Variants in PIGK observed in about 807,000 individuals in gnomAD.
PIGK encodes GPI-anchor transamidase.
Under a neutral mutation model 50.6 loss-of-function variants are expected in PIGK, and 42 were observed. That is an observed-to-expected ratio of 0.83 (90% confidence interval 0.65 to 1.07). PIGK has a LOEUF of 1.07. Among genes scored for constraint, PIGK ranks in the 50% least tolerant of loss-of-function variants. The pLI is 0.00. For missense variants in PIGK, 448 were observed against 488.7 expected (o/e 0.92, Z 0.78); for synonymous variants, 151 against 156.0 (o/e 0.97, Z 0.24).
At chr1:77,141,473 G>A (rs1275062999) in intron 9 of PIGK, among the ~76,000 whole-genome samples, 2 of 152,076 alleles carry the variant, frequency 1.3e-5, no homozygotes, top group Non-Finnish European at 2.9e-5. Flanking sequence ...GCTTCCCTTA[G>A]TAAAAGTACT....
At chr1:77,195,447 C>A in intron 3 of PIGK, 2 of 941,006 alleles carry the variant, frequency 2.1e-6, no homozygotes, top group South Asian at 4.0e-5. Flanking sequence ...ATCTTTTGGT[C>A]AATAAAATAG....
At chr1:77,207,000 C>T (rs557411711) in intron 2 of PIGK, among the ~76,000 whole-genome samples, 128 of 152,126 alleles carry the variant, frequency 8.4e-4, no homozygotes, top group Non-Finnish European at 1.7e-3. Context: ...AACCCCACCT[C>T]TACTAAAAAT....
chr1:77,126,245 TAAG>T (rs1654227683), intron 9 of PIGK, among the ~76,000 whole-genome samples: 1 of 152,188 alleles, frequency 6.6e-6, no homozygotes, highest in African/African-American at 2.4e-5. Flanking sequence ...TGTAATTTAC[TAAG>T]AAGATTTGAT....
chr1:77,155,933 G>A (rs911172165), intron 8 of PIGK, among the ~76,000 whole-genome samples: 5 of 152,010 alleles, frequency 3.3e-5, no homozygotes, highest in African/African-American at 1.2e-4. Context: ...ATAACTCTGA[G>A]GTATACAAAA....
chr1:77,153,490 T>C (rs1363351238), intron 9 of PIGK: 2 of 152,064 alleles, frequency 1.3e-5, no homozygotes, highest in African/African-American at 2.4e-5. Context: ...CAGAAAAAAA[T>C]AGTAATGTAC....
intron 3 of PIGK, among the ~76,000 whole-genome samples, chr1:77,188,723 G>A (rs149139508): frequency 5.9e-5 from 9 of 152,204 alleles, no homozygotes; most frequent in South Asian, 2.1e-4. Context: ...TCCTACCAAC[G>A]TGTGATGTCT....
intron 6 of PIGK, among the ~76,000 whole-genome samples, chr1:77,162,885 T>C (rs1431841177): frequency 3.3e-5 from 5 of 152,178 alleles, no homozygotes; most frequent in Admixed American, 6.5e-5. Context: ...GCTCTAGGAC[T>C]GAACCATTTG....
intron 9 of PIGK, among the ~76,000 whole-genome samples, chr1:77,127,235 T>C (rs1310383538): frequency 6.6e-6 from 1 of 152,218 alleles, no homozygotes; most frequent in Non-Finnish European, 1.5e-5. Context: ...CCTTTTTCTC[T>C]TTCATGTTTA....
chr1:77,115,755 G>A (rs1036482404), intron 10 of PIGK, among the ~76,000 whole-genome samples: 1 of 152,112 alleles, frequency 6.6e-6, no homozygotes, highest in Non-Finnish European at 1.5e-5. Context: ...TTCTCTCCAA[G>A]AAACTAAATC....
Position 77,177,718 on chromosome 1 carries a change from C to T in PIGK, c.240-8323G>A, listed in dbSNP as rs527358255. On this transcript the variant is annotated intron_variant, in intron 3 of 10. Coordinates refer to ENST00000370812, the MANE Select transcript of PIGK (RefSeq NM_005482.3). ...TAGCGCCGCTGAGTTAGGATCTCCC[C>T]GACTGAGCTGGTCTCGGCACCCTTC... Among the ~76,000 whole-genome samples, 6 of 152,220 alleles carry T rather than the reference C, an allele frequency of 3.9e-5. No homozygotes were observed. In the East Asian group the frequency reaches 5.8e-4, roughly 15 times the overall value.
intron 10 of PIGK, among the ~76,000 whole-genome samples, chr1:77,111,255 G>A (rs113680451): frequency 0.025 from 3,867 of 152,130 alleles, 160 homozygotes; most frequent in African/African-American, 0.089. Flanking sequence ...TCCTATTACC[G>A]GGTATATACC....
chr1:77,133,995 C>T (rs983002279), intron 9 of PIGK, among the ~76,000 whole-genome samples: 2 of 152,162 alleles, frequency 1.3e-5, no homozygotes, highest in African/African-American at 4.8e-5. Context: ...TCACCTATAG[C>T]GCAGAGGTAT....
intron 3 of PIGK, among the ~76,000 whole-genome samples, chr1:77,177,677 G>A (rs560210495): frequency 1.3e-5 from 2 of 152,288 alleles, no homozygotes; most frequent in East Asian, 1.9e-4. Context: ...TTCTGTGTGT[G>A]TGCCTTTAAT....
At chr1:77,092,597 G>C (rs1485058321) in intron 10 of PIGK, 107 bp from the exon 11 acceptor site, 2 of 705,888 alleles carry the variant, frequency 2.8e-6, no homozygotes, top group African/African-American at 3.7e-5. Context: ...GTGTTTGAAT[G>C]GGGACTAGTT....
chr1:77,150,693 G>A (rs540929720), intron 9 of PIGK, among the ~76,000 whole-genome samples: 4 of 151,912 alleles, frequency 2.6e-5, no homozygotes, highest in Non-Finnish European at 4.4e-5. Flanking sequence ...AAATACAAAA[G>A]CTCCTTAGAC....
At chr1:77,195,179 T>A (rs1037670374) in intron 3 of PIGK, 25 of 1,210,472 alleles carry the variant, frequency 2.1e-5, no homozygotes, top group Non-Finnish European at 2.9e-5. Flanking sequence ...GAGGAGACCC[T>A]CCTGTTCTTA....
At chr1:77,216,135 A>G (rs1656559281) in intron 1 of PIGK, among the ~76,000 whole-genome samples, 1 of 152,186 alleles carries the variant, frequency 6.6e-6, no homozygotes, top group Non-Finnish European at 1.5e-5. Context: ...TTTTGAGGTG[A>G]CAGATATGCT....
chr1:77,196,333 G>T (rs1170570020), intron 3 of PIGK, among the ~76,000 whole-genome samples: 2 of 152,054 alleles, frequency 1.3e-5, no homozygotes, highest in African/African-American at 2.4e-5. Context: ...ATATTCCTTT[G>T]GGTAGGTGCC....
chr1:77,201,636 G>T (rs1312991387), intron 3 of PIGK, among the ~76,000 whole-genome samples: 1 of 152,058 alleles, frequency 6.6e-6, no homozygotes, highest in East Asian at 1.9e-4. Flanking sequence ...AGCTACTCAG[G>T]AGGCTGAGGC....
Sources: allele counts gnomAD v4.1 joint callset (sites outside exome capture counted in the v4.1 genomes callset), GRCh38; gene constraint gnomAD v4.1.1; transcripts MANE v1.5; gene names NCBI Gene and HGNC (gene_info 2026-07-23, HGNC 2026-07-21).